Variants in KIAA0408 observed in about 807,000 individuals in gnomAD.
KIAA0408 encodes KIAA0408, also known as uncharacterized protein KIAA0408.
Under a neutral mutation model 60.9 loss-of-function variants are expected in KIAA0408, and 51 were observed. The ratio of observed to expected loss-of-function variants is 0.84; its 90% CI spans 0.67 to 1.06. The LOEUF is 1.06. KIAA0408 is among the 50% of genes least tolerant of loss of function. KIAA0408 has a pLI of 0.00. For missense variants in KIAA0408, 787 were observed against 833.9 expected (o/e 0.94, Z 0.69); for synonymous variants, 304 against 282.4 (o/e 1.08, Z -0.77).
At chr6:127,446,225 G>C (rs755411290) in intron 5 of KIAA0408, among the ~76,000 whole-genome samples, 183 bp downstream of exon 5, 4 of 152,092 alleles carry the variant, frequency 2.6e-5, no homozygotes, top group Non-Finnish European at 5.9e-5. Flanking sequence ...ACTATTCTCA[G>C]TGTTAAAAAC....
chr6:127,453,623 T>C lies in KIAA0408; in HGVS notation c.135+224A>G, dbSNP rs546641624. ...CAGAAAATAATAAGTTGAAACATTA[T>C]AGAGTGACATTTCAAATGCTTAATT... On this transcript the variant is annotated intron_variant, in intron 2 of 5. Coordinates refer to ENST00000483725, the MANE Select transcript of KIAA0408 (RefSeq NM_014702.5). 2.7e-4 allele frequency among the ~76,000 whole-genome samples: 41 copies of C among 152,200 alleles called. No homozygotes were observed. The East Asian group carries it at 6.5e-3, about 24-fold the overall frequency.
At position 127,456,576 on chromosome 6, in the gene KIAA0408, T is replaced by C. The variant is rs544309767; in HGVS notation, c.-120-2475A>G. Among the ~76,000 whole-genome samples the C allele has an allele frequency of 1.1e-4, 16 of 152,252 alleles. No homozygotes were observed. The East Asian group carries it at 2.9e-3, about 28-fold the overall frequency. On this transcript the variant is annotated intron_variant, in intron 1 of 5. Transcript: ENST00000483725. ...AAGGACCAATGTATGGAGCTTTTCCTTTCCAGGCCCAGAGCAATTGCTAGT... is the reference window on the plus strand; with the variant it reads ...AAGGACCAATGTATGGAGCTTTTCCCTTCCAGGCCCAGAGCAATTGCTAGT...
At position 127,441,845 on chromosome 6, in the gene KIAA0408, T is replaced by C. The variant is rs1218696285; in HGVS notation, c.*2264A>G. ...AATCAAGGAGTTGGACTAGATGCTA[T>C]TTTTTTTTTCTCAGCTCTAACTATA... On this transcript the variant is annotated 3_prime_UTR_variant, in exon 6 of 6. Transcript: ENST00000483725. The C allele has an allele frequency of 1.3e-5, 2 of 148,988 alleles. No individual in the cohort carries two copies. The highest frequency in any genetic ancestry group is 3.0e-5 in the Non-Finnish European group (2 of 66,996). 9.2% of individuals were successfully genotyped at this position (148,988 alleles called of 1,614,324 possible). A position where few individuals can be genotyped will look rare whatever the true frequency, so the allele number is the denominator to read the frequency against.
intron 1 of KIAA0408, among the ~76,000 whole-genome samples, chr6:127,455,258 GC>G (rs932730443): frequency 6.6e-6 from 1 of 152,044 alleles, no homozygotes; most frequent in Admixed American, 6.6e-5. Context: ...TTATCAAAAT[GC>G]TATAACTTAC....
At position 127,446,445 on chromosome 6, in the gene KIAA0408, T is replaced by C; in HGVS notation, c.1874A>G (p.Glu625Gly). The change falls in exon 5 of 6, where the codon GAA (glutamate) becomes GGA (glycine). Residue 625 changes from glutamate (E) to glycine (G), a missense_variant. Transcript: ENST00000483725. Reference protein sequence around the residue: ...QQKTAVWGGQEVKQGIDPKKI... With the variant: ...QQKTAVWGGQGVKQGIDPKKI... Reference sequence around the variant, plus strand: ...TTTCGGATCTATTCCTTGCTTCACTTCCTGTCCCCCCCACACAGCTGTCTT... The same window carrying C: ...TTTCGGATCTATTCCTTGCTTCACTCCCTGTCCCCCCCACACAGCTGTCTT... 1 of 1,612,800 alleles carries C rather than the reference T, an allele frequency of 6.2e-7. No individual in the cohort carries two copies. The highest frequency in any genetic ancestry group is 8.5e-7 in the Non-Finnish European group (1 of 1,178,888).
At chr6:127,456,789 G>A (rs965059991) in intron 1 of KIAA0408, among the ~76,000 whole-genome samples, 3 of 151,970 alleles carry the variant, frequency 2.0e-5, no homozygotes, top group Non-Finnish European at 4.4e-5. Context: ...AGTGGTGGGG[G>A]GGGGGCATAG....
In KIAA0408 at chr6:127,449,889, G is replaced by A. The variant is rs1336127434; in HGVS notation, c.511C>T (p.Leu171Phe). The A allele has an allele frequency of 4.3e-6, 7 of 1,614,044 alleles. No individual in the cohort carries two copies. Among genetic ancestry groups the A allele is most frequent in the Non-Finnish European group, 5.9e-6 (7 of 1,179,972 alleles). Residue 171 changes from leucine to phenylalanine, a missense_variant, in exon 4 of 6, where the codon CTT becomes TTT. Around this residue, in one of 3 missense-constraint regions of KIAA0408, gnomAD observed 640 missense variants for 681.3 expected, o/e 0.94. Coordinates refer to ENST00000483725, the MANE Select transcript of KIAA0408 (RefSeq NM_014702.5). ...SGALSTALEELAKVSEELCSF... is the reference protein window; with the variant it reads ...SGALSTALEEFAKVSEELCSF... Reference sequence around the variant, plus strand: ...CATAATTCTTCACTCACCTTCGCAAGTTCTTCAAGAGCCTTTACACATATA... The same window carrying A: ...CATAATTCTTCACTCACCTTCGCAAATTCTTCAAGAGCCTTTACACATATA...
intron 1 of KIAA0408, among the ~76,000 whole-genome samples, chr6:127,457,290 G>A (rs1773413194): frequency 6.6e-6 from 1 of 152,126 alleles, no homozygotes; most frequent in Non-Finnish European, 1.5e-5. Context: ...AAGTTATGGG[G>A]TAAAGTGGTT....
chr6:127,450,459 T>G (rs1773283443), intron 2 of KIAA0408, 107 bp from the exon 3 acceptor site: 3 of 1,428,734 alleles, frequency 2.1e-6, no homozygotes, highest in Admixed American at 5.7e-5. Flanking sequence ...CATATTAAAA[T>G]ATACTTCCTG....
intron 1 of KIAA0408, 150 bp from the exon 2 acceptor site, chr6:127,454,251 A>T (rs1342678805): frequency 1.4e-6 from 1 of 705,716 alleles, no homozygotes; most frequent in African/African-American, 1.9e-5. Flanking sequence ...AGAAGAAGAA[A>T]CTAACACAGT....
chr6:127,453,966 G>A lies in KIAA0408; in HGVS notation c.16C>T (p.Gln6Ter). The change falls in exon 2 of 6, where the codon CAG becomes TAG. Residue 6 changes from glutamine (Q) to a stop codon, truncating the protein, a stop_gained. Transcript: ENST00000483725. LOFTEE classifies it high-confidence loss of function. The part of the protein sequence containing the change: MDLHK[Q>*]WENTETNWHK... The stretch of plus-strand genomic sequence containing the variant: ...CAGTTAGTCTCTGTGTTCTCCCACT[G>A]CTTATGTAGGTCCATGGCAACAGTG... The A allele has an allele frequency of 6.2e-7, 1 of 1,612,202 alleles. No homozygotes were observed. Among genetic ancestry groups the A allele is most frequent in the Non-Finnish European group, 8.5e-7 (1 of 1,178,868 alleles).
In KIAA0408 at chr6:127,440,958, T is replaced by A. The variant is rs1773098781; in HGVS notation, c.*3151A>T. On this transcript the variant is annotated 3_prime_UTR_variant, in exon 6 of 6. Transcript: ENST00000483725. Reference sequence around the variant, plus strand: ...AACTGTGTACATATATGAGTTTAGATTTCATAAGACACTTAGCTTTACTGG... The same window carrying A: ...AACTGTGTACATATATGAGTTTAGAATTCATAAGACACTTAGCTTTACTGG... 1 of 152,146 alleles carries A rather than the reference T, an allele frequency of 6.6e-6. No homozygotes were observed. Among genetic ancestry groups the A allele is most frequent in the Admixed American group, 6.5e-5 (1 of 15,270 alleles). 9.4% of individuals were successfully genotyped at this position (152,146 alleles called of 1,614,324 possible).
At chr6:127,449,791 C>T (rs1773267066) in intron 4 of KIAA0408, 31 bp downstream of exon 4, 3 of 1,608,200 alleles carry the variant, frequency 1.9e-6, no homozygotes, top group Admixed American at 1.7e-5. Flanking sequence ...TTTTATTTAC[C>T]CATCTAAAAT....
At chr6:127,451,457 G>A (rs901620571) in intron 2 of KIAA0408, 10 of 352,184 alleles carry the variant, frequency 2.8e-5, no homozygotes, top group Middle Eastern at 4.3e-4. Context: ...GAACTTCTGC[G>A]GGCATTATGG....
Position 127,446,798 on chromosome 6 carries a change from A to G in KIAA0408, c.1521T>C (p.Asn507=). ...ATTTCTTGGTGGGATTATCAGGCAC[A>G]TTTTCCATGGGCACAGGCATGTGGG... The part of the protein sequence containing the change: ...TNAHMPVPME[N]VPDNPTKKST... The change falls in exon 5 of 6, where the codon AAT becomes AAC. Residue 507 remains asparagine, a synonymous_variant. Coordinates refer to ENST00000483725, the MANE Select transcript of KIAA0408 (RefSeq NM_014702.5). The G allele has an allele frequency of 4.3e-6, 7 of 1,613,678 alleles. No homozygotes were observed. The highest frequency in any genetic ancestry group is 5.9e-6 in the Non-Finnish European group (7 of 1,179,878).
chr6:127,449,715 T>C, intron 4 of KIAA0408, 107 bp downstream of exon 4: 1 of 1,411,778 alleles, frequency 7.1e-7, no homozygotes, highest in South Asian at 1.3e-5. Flanking sequence ...TACATTTTAA[T>C]AACTCATTAG....
rs574698260 is a variant in KIAA0408, at chr6:127,449,323, T to C, written c.578+499A>G. Among the ~76,000 whole-genome samples, 7 of 152,316 alleles carry C rather than the reference T, an allele frequency of 4.6e-5. No homozygotes were observed. In the East Asian group the frequency reaches 1.4e-3, roughly 29 times the overall value. ...AGATTACAAAGAGAATTGGAAGATT[T>C]GCTTTAAGAATTAGTGAACAGAGAA... On this transcript the variant is annotated intron_variant, in intron 4 of 5. Coordinates refer to ENST00000483725, the MANE Select transcript of KIAA0408 (RefSeq NM_014702.5).
chr6:127,449,778 A>C (rs3818135), intron 4 of KIAA0408, 44 bp downstream of exon 4: 908,921 of 1,608,568 alleles, frequency 0.57, 265,491 homozygotes, highest in Non-Finnish European at 0.6. Flanking sequence ...AAACAATATT[A>C]TTTTTTATTT....
At position 127,450,140 on chromosome 6, in the gene KIAA0408, A is replaced by G. The variant is rs1437101619; in HGVS notation, c.348T>C (p.Asn116=). 1 of 1,613,900 alleles carries G rather than the reference A, an allele frequency of 6.2e-7. No individual in the cohort carries two copies. Among genetic ancestry groups the G allele is most frequent in the South Asian group, 1.1e-5 (1 of 91,070 alleles). The change falls in exon 3 of 6, where the codon AAT becomes AAC. Residue 116 remains asparagine (N), a synonymous_variant. Transcript: ENST00000483725. ...KREQSLVSGG[N]QMCKEQKATK... ...TTGCTTTTTGTTCCTTACACATTTG[A>G]TTTCCTCCACTGACTAAGCTCTGCT...
Sources: gnomAD v4.1 joint callset for allele counts (sites outside exome capture counted in the v4.1 genomes callset) on GRCh38, gnomAD v4.1.1 for gene constraint, gnomAD v4.1.1 regional missense constraint, MANE v1.5 for transcripts, NCBI Gene and HGNC (gene_info 2026-07-23, HGNC 2026-07-21) for gene names.